The following CYFIP1 variants were observed in gnomAD, a reference collection of about 807,000 sequenced individuals.
CYFIP1 encodes the protein cytoplasmic FMR1-interacting protein 1.
A neutral mutation model predicts 163.5 loss-of-function variants in CYFIP1; 58 were observed. That is an observed-to-expected ratio of 0.35 (90% CI 0.29 to 0.44). The LOEUF (loss-of-function observed/expected upper bound fraction) is 0.44. Among genes scored for constraint, CYFIP1 ranks in the 20% least tolerant of loss-of-function variants. The probability of loss-of-function intolerance (pLI) is 1.00; values close to 1 mark genes in which losing one functional copy is unlikely to be tolerated. For missense variants in CYFIP1, 1,338 were observed against 1,653.8 expected, an observed-to-expected ratio of 0.81 and a Z score of 3.31; for synonymous variants, 663 against 660.7, an observed-to-expected ratio of 1.00 and a Z score of -0.05.
chr15:22,910,684 GTCAGA>G, intron 19 of CYFIP1, 48 bp downstream of exon 19: 1 of 1,602,524 alleles, frequency 6.2e-7, no homozygotes, highest in Non-Finnish European at 8.6e-7. Flanking sequence ...TAATGGGAAT[GTCAGA>G]TCAAATTATG....
intron 23 of CYFIP1, among the ~76,000 whole-genome samples, chr15:22,885,170 G>C (rs914196888): frequency 5.9e-5 from 9 of 152,166 alleles, no homozygotes. Flanking sequence ...TCCAGAAAAT[G>C]GGTTTTTCTT....
chr15:22,955,079 G>A (rs543827315), intron 1 of CYFIP1, among the ~76,000 whole-genome samples: 1 of 152,354 alleles, frequency 6.6e-6, no homozygotes, highest in African/African-American at 2.4e-5. Flanking sequence ...CGGTGGGCAG[G>A]AGGCAAAGGT....
At chr15:22,894,834 T>G (rs1244881155) in intron 22 of CYFIP1, among the ~76,000 whole-genome samples, 1 of 147,172 alleles carries the variant, frequency 6.8e-6, no homozygotes, top group African/African-American at 2.5e-5. Context: ...ATATATACAT[T>G]TATAGTCTAT....
chr15:22,935,562 A>G (rs1014887954), intron 9 of CYFIP1, among the ~76,000 whole-genome samples: 3 of 152,232 alleles, frequency 2.0e-5, no homozygotes, highest in African/African-American at 7.2e-5. Context: ...ATGAGACTAC[A>G]TGAAAATGAC....
chr15:22,880,715 C>T (rs918285164), intron 25 of CYFIP1, among the ~76,000 whole-genome samples: 2 of 152,194 alleles, frequency 1.3e-5, no homozygotes, highest in African/African-American at 2.4e-5. Flanking sequence ...GGAGGCTCAG[C>T]AGACCTTAAA....
chr15:22,899,922 C>A (rs912106184), intron 22 of CYFIP1, among the ~76,000 whole-genome samples: 1 of 152,144 alleles, frequency 6.6e-6, no homozygotes, highest in Non-Finnish European at 1.5e-5. Flanking sequence ...GTGGCAGGCA[C>A]CTGTAATCCC....
At chr15:22,893,248 C>T (rs1211529434) in intron 22 of CYFIP1, among the ~76,000 whole-genome samples, 1 of 152,226 alleles carries the variant, frequency 6.6e-6, no homozygotes, top group East Asian at 1.9e-4. Context: ...CAACGCAATC[C>T]TCAGGTAGCT....
intron 23 of CYFIP1, among the ~76,000 whole-genome samples, chr15:22,883,792 G>A (rs977504898): frequency 9.7e-5 from 14 of 144,298 alleles, no homozygotes; most frequent in African/African-American, 2.9e-4. Flanking sequence ...ACTCCAGCCC[G>A]GGTGACAGAA....
chr15:22,942,682 C>T (rs886508145), intron 6 of CYFIP1, among the ~76,000 whole-genome samples: 3 of 152,168 alleles, frequency 2.0e-5, no homozygotes, highest in Non-Finnish European at 2.9e-5. Context: ...AGTGTGACCA[C>T]GAGACACCCT....
intron 16 of CYFIP1, chr15:22,915,208 G>A (rs533857609): frequency 1.6e-4 from 34 of 211,754 alleles, no homozygotes; most frequent in African/African-American, 7.2e-4. Flanking sequence ...ATAGCTTACT[G>A]CAGCCTTCAA....
chr15:22,922,782 A>T (rs2061229585), intron 13 of CYFIP1, among the ~76,000 whole-genome samples: 1 of 152,174 alleles, frequency 6.6e-6, no homozygotes, highest in African/African-American at 2.4e-5. Context: ...ACCTGAGGTG[A>T]GGGGTTCAGG....
At chr15:22,958,538 G>C (rs1267464300) in intron 1 of CYFIP1, among the ~76,000 whole-genome samples, 1 of 152,224 alleles carries the variant, frequency 6.6e-6, no homozygotes, top group Admixed American at 6.5e-5. Context: ...CCCTGAAAGA[G>C]AGCACGTCTC....
rs1181546667 is a variant in CYFIP1 at position 22,867,120 on chromosome 15, CTAA to C, written c.*2905_*2907del. On this transcript the variant is annotated 3_prime_UTR_variant, in exon 31 of 31. Transcript: ENST00000617928. ...ATCCCTTCTCCAAAAGCCGAATGCA[CTAA>C]TGACAGTTTTAAGTCTATGAAAATG... 1.2e-4 allele frequency: 56 copies of C among 483,704 alleles called. No homozygotes were observed. The highest frequency in any genetic ancestry group is 1.1e-4 in the Non-Finnish European group (30 of 277,784). The allele number at this position is 483,704 out of a possible 1,614,324, so 30.0% of individuals were successfully genotyped here. A position where few individuals can be genotyped will look rare whatever the true frequency, so the allele number is the denominator to read the frequency against.
chr15:22,951,094 G>C (rs2062234462), intron 1 of CYFIP1, among the ~76,000 whole-genome samples: 1 of 152,074 alleles, frequency 6.6e-6, no homozygotes, highest in African/African-American at 2.4e-5. Flanking sequence ...TGTTGGGCCG[G>C]TTCCACAGAT....
chr15:22,917,660 G>T lies in CYFIP1; in HGVS notation c.1674+128C>A. 1 of 1,157,540 alleles carries T rather than the reference G, an allele frequency of 8.6e-7. No homozygotes were observed. The highest frequency in any genetic ancestry group is 1.2e-6 in the Non-Finnish European group (1 of 853,664). The allele number at this position is 1,157,540 out of a possible 1,614,324, so 71.7% of individuals were successfully genotyped here. ...CAGAGGAGCAGCAGAAACCACAGGC[G>T]CCACTTTCTCTGCCTGAGCAGGCAG... On this transcript the variant is annotated intron_variant, in intron 15 of 30. Coordinates refer to ENST00000617928, the MANE Select transcript of CYFIP1 (RefSeq NM_014608.6). This position sits in a 1 kb window ranked among gnomAD's most constrained non-coding sequence, Gnocchi z 4.2.
At chr15:22,967,348 C>T (rs1025831953) in intron 1 of CYFIP1, among the ~76,000 whole-genome samples, 7 of 152,312 alleles carry the variant, frequency 4.6e-5, no homozygotes, top group African/African-American at 1.7e-4. Context: ...CTTCAGAGCA[C>T]GCTCCCAGAT....
intron 22 of CYFIP1, 51 bp downstream of exon 22, chr15:22,903,655 T>G: frequency 6.3e-7 from 1 of 1,589,674 alleles, no homozygotes; most frequent in Non-Finnish European, 8.6e-7. Context: ...TGCGGGGACA[T>G]GGGTCCCTGA....
chr15:22,895,016 A>ATTT (rs748636744), intron 22 of CYFIP1, among the ~76,000 whole-genome samples: 1 of 137,678 alleles, frequency 7.3e-6, no homozygotes, highest in Non-Finnish European at 1.6e-5. Flanking sequence ...TGCCTGGCTA[A>ATTT]TTTTTTTTTT....
chr15:22,912,659 C>A (rs779362346), intron 17 of CYFIP1, among the ~76,000 whole-genome samples: 4 of 152,212 alleles, frequency 2.6e-5, no homozygotes, highest in African/African-American at 4.8e-5. Flanking sequence ...TGGTTCATGC[C>A]TGTAATCCCA....
Sources: allele counts gnomAD v4.1 joint callset (sites outside exome capture counted in the v4.1 genomes callset), GRCh38; gene constraint gnomAD v4.1.1; non-coding constraint Gnocchi (gnomAD v3.1); transcripts MANE v1.5; gene names NCBI Gene and HGNC (gene_info 2026-07-23, HGNC 2026-07-21).